Variants in LDB3 observed in about 807,000 individuals in gnomAD.
LDB3 encodes LIM domain-binding protein 3.
Under a neutral mutation model 69.0 loss-of-function variants are expected in LDB3, and 49 were observed. The ratio of observed to expected loss-of-function variants is 0.71; its 90% CI spans 0.56 to 0.90. The LOEUF (loss-of-function observed/expected upper bound fraction) is 0.90. Ranked by LOEUF, LDB3 falls within the 40% of genes least tolerant of loss-of-function variation. The probability of loss-of-function intolerance (pLI) is 0.00; values close to 1 mark genes in which losing one functional copy is unlikely to be tolerated. For synonymous variants in LDB3, 387 were observed against 396.2 expected, an observed-to-expected ratio of 0.98 and a Z score of 0.28; for missense variants, 928 against 974.1, an observed-to-expected ratio of 0.95 and a Z score of 0.63.
intron 7 of LDB3, among the ~76,000 whole-genome samples, chr10:86,693,684 T>C (rs933298834): frequency 6.6e-6 from 1 of 152,158 alleles, no homozygotes; most frequent in African/African-American, 2.4e-5. Context: ...CTGCAGGGCA[T>C]CTAGAGAGTC....
Position 86,681,687 on chromosome 10 carries a change from G to A in LDB3, c.573G>A (p.Gln191=), listed in dbSNP as rs1405884886. ...LGPKALPGSS[Q]PRQYNNPIGL... is the part of the protein sequence containing the mutation. ...CAAAAGCCCTGCCGGGCTCGAGCCA[G>A]CCGAGGCAATATAACAACCCCATTG... Residue 191 remains glutamine, a synonymous_variant, in exon 5 of 14, where the codon CAG becomes CAA. Coordinates refer to ENST00000361373, the MANE Select transcript of LDB3 (RefSeq NM_007078.3). The A allele has an allele frequency of 6.2e-7, 1 of 1,613,630 alleles. No individual in the cohort carries two copies. Among genetic ancestry groups the A allele is most frequent in the Admixed American group, 1.7e-5 (1 of 60,024 alleles).
chr10:86,668,833 G>A, intron 2 of LDB3, 49 bp downstream of exon 2: 1 of 1,376,450 alleles, frequency 7.3e-7, no homozygotes. Flanking sequence ...AGGCACGCTT[G>A]GAGGAGGGCA....
chr10:86,689,920 T>C (rs891085648), intron 5 of LDB3, among the ~76,000 whole-genome samples: 1 of 152,252 alleles, frequency 6.6e-6, no homozygotes, highest in Non-Finnish European at 1.5e-5. Context: ...CTGTTCCATC[T>C]TCCCTGCATA....
At chr10:86,724,519 G>GC in intron 12 of LDB3, among the ~76,000 whole-genome samples, 1 of 151,378 alleles carries the variant, frequency 6.6e-6, no homozygotes, top group East Asian at 1.9e-4. Context: ...CAGGAGAATT[G>GC]CTTGAACCCA....
At chr10:86,722,240 A>T (rs1414226606) in intron 12 of LDB3, among the ~76,000 whole-genome samples, 2 of 152,240 alleles carry the variant, frequency 1.3e-5, no homozygotes, top group African/African-American at 2.4e-5. Flanking sequence ...GGCATTCCAG[A>T]GGTAAATTCA....
chr10:86,730,000 T>A (rs1847398721), intron 13 of LDB3, among the ~76,000 whole-genome samples: 1 of 152,172 alleles, frequency 6.6e-6, no homozygotes, highest in Non-Finnish European at 1.5e-5. Flanking sequence ...CTTTAAATTG[T>A]CACCAGCAGC....
intron 13 of LDB3, among the ~76,000 whole-genome samples, chr10:86,731,225 C>CTT (rs200417366): frequency 7.8e-5 from 9 of 115,884 alleles, no homozygotes; most frequent in Admixed American, 8.8e-5. Flanking sequence ...CCATATCTAC[C>CTT]TTTTTTTTTT....
chr10:86,696,422 G>A (rs1002413870), intron 7 of LDB3, among the ~76,000 whole-genome samples: 1 of 152,214 alleles, frequency 6.6e-6, no homozygotes, highest in Non-Finnish European at 1.5e-5. Context: ...TGCCTGAGCA[G>A]CCCCTGGGAG....
chr10:86,685,380 G>A (rs1020642796), intron 5 of LDB3, among the ~76,000 whole-genome samples: 2 of 152,142 alleles, frequency 1.3e-5, no homozygotes, highest in African/African-American at 4.8e-5. Flanking sequence ...TCATGTATGC[G>A]GTACGAGTGC....
At chr10:86,709,798 AG>A in intron 8 of LDB3, 106 bp from the exon 9 acceptor site, 2 of 1,192,288 alleles carry the variant, frequency 1.7e-6, no homozygotes, top group Non-Finnish European at 1.2e-6. Flanking sequence ...TGTCTCTGTC[AG>A]GTGTCCTCAC....
At chr10:86,692,641 C>T in intron 7 of LDB3, 70 bp downstream of exon 7, 1 of 1,378,262 alleles carries the variant, frequency 7.3e-7, no homozygotes, top group Non-Finnish European at 1.0e-6. Flanking sequence ...GCCCCCAGGT[C>T]ACATCACTCA....
intron 2 of LDB3, among the ~76,000 whole-genome samples, chr10:86,669,732 C>A (rs1844355583): frequency 1.3e-5 from 2 of 152,250 alleles, no homozygotes; most frequent in Admixed American, 1.3e-4. Flanking sequence ...GCAAGGACAA[C>A]CCTGCCTGGT....
At chr10:86,716,237 C>T (rs929560035) in intron 9 of LDB3, 90 bp from the exon 10 acceptor site, 1 of 1,462,208 alleles carries the variant, frequency 6.8e-7, no homozygotes, top group East Asian at 2.3e-5. Flanking sequence ...GTTAAAGTCA[C>T]CTTTTGCATT....
intron 13 of LDB3, 89 bp downstream of exon 13, chr10:86,726,341 C>A: frequency 1.0e-6 from 1 of 953,022 alleles, no homozygotes; most frequent in Non-Finnish European, 1.7e-6. Context: ...CATACCTTGC[C>A]ACGCTAGCTT....
intron 13 of LDB3, among the ~76,000 whole-genome samples, chr10:86,728,690 C>A (rs536470833): frequency 1.2e-4 from 18 of 151,194 alleles, no homozygotes; most frequent in African/African-American, 4.4e-4. Flanking sequence ...TCAAGCAATT[C>A]TCTGCCTCAG....
At chr10:86,723,054 C>T (rs181995445) in intron 12 of LDB3, among the ~76,000 whole-genome samples, 46 of 151,660 alleles carry the variant, frequency 3.0e-4, no homozygotes, top group African/African-American at 1.0e-3. Flanking sequence ...ACCCCTTGAG[C>T]CCAGGAGTTC....
intron 7 of LDB3, among the ~76,000 whole-genome samples, chr10:86,703,429 G>C (rs763109427): frequency 1.3e-5 from 2 of 152,220 alleles, no homozygotes; most frequent in Non-Finnish European, 2.9e-5. Context: ...GGCCAGGCAC[G>C]GCTGCAGGCC....
rs372331627 is a variant in LDB3 at position 86,716,767 on chromosome 10, A to G, written c.1672A>G (p.Ile558Val). 1.6e-4 allele frequency: 253 copies of G among 1,604,004 alleles called. 5 individuals are homozygous for G. The Middle Eastern group carries it at 8.1e-3, about 51-fold the overall frequency. Residue 558 changes from isoleucine (I) to valine (V), a missense_variant, in exon 10 of 14, where the codon ATC becomes GTC. Physicochemically the swap from Ile to Val is conservative, Grantham distance 29. Coordinates refer to ENST00000361373, the MANE Select transcript of LDB3 (RefSeq NM_007078.3). ...TPLCGHCNNV[I>V]RGPFLVAMGR... Reference sequence around the variant, plus strand: ...ACTCTGCGGTCACTGCAACAATGTCATCCGGTATGGTCCAGCTGTGCCCCT... The same window carrying G: ...ACTCTGCGGTCACTGCAACAATGTCGTCCGGTATGGTCCAGCTGTGCCCCT...
intron 7 of LDB3, among the ~76,000 whole-genome samples, chr10:86,702,793 A>G (rs2132449901): frequency 6.6e-6 from 1 of 152,208 alleles, no homozygotes; most frequent in East Asian, 1.9e-4. Context: ...AGAGCCCAAG[A>G]TCCTTCAAGA....
Sources: allele counts gnomAD v4.1 joint callset (sites outside exome capture counted in the v4.1 genomes callset), GRCh38; gene constraint gnomAD v4.1.1; transcripts MANE v1.5; gene names NCBI Gene and HGNC (gene_info 2026-07-23, HGNC 2026-07-21).